CCDC14: variants seen among roughly 807,000 people sequenced by gnomAD.
CCDC14 encodes coiled-coil domain-containing protein 14.
In CCDC14, 71 loss-of-function variants were observed where a neutral mutation model predicts 81.4. The observed-to-expected ratio is 0.87, with a 90% CI of 0.72 to 1.06. The LOEUF is 1.06. CCDC14 is among the 50% of genes least tolerant of loss of function. CCDC14 has a pLI of 0.00. For missense variants in CCDC14, 1,046 were observed against 1,047.3 expected, an observed-to-expected ratio of 1.00 and a Z score of 0.02; for synonymous variants, 332 against 364.8, an observed-to-expected ratio of 0.91 and a Z score of 1.03.
At chr3:123,892,879 A>G (rs1256764755), downstream of CCDC14, among the ~76,000 whole-genome samples, 2 of 151,896 alleles carry the variant, frequency 1.3e-5, no homozygotes, top group Admixed American at 6.6e-5. Context: ...ATCTCGGCTC[A>G]TTGTAACCTC....
At chr3:123,945,985 A>G (rs1222030982) in intron 8 of CCDC14, among the ~76,000 whole-genome samples, 1 of 152,168 alleles carries the variant, frequency 6.6e-6, no homozygotes, top group African/African-American at 2.4e-5. Context: ...TAAGTGTTCA[A>G]TAAATGACAG....
chr3:123,894,013 T>C (rs1559751414), downstream of CCDC14, among the ~76,000 whole-genome samples: 1 of 152,246 alleles, frequency 6.6e-6, no homozygotes, highest in Non-Finnish European at 1.5e-5. Context: ...GTCTATGTTA[T>C]TGATGTCATA....
chr3:123,942,508 C>A (rs575271693), intron 9 of CCDC14, among the ~76,000 whole-genome samples: 1 of 152,124 alleles, frequency 6.6e-6, no homozygotes, highest in Non-Finnish European at 1.5e-5. Context: ...GACAAAGAAT[C>A]CTAAATGAGT....
chr3:123,897,961 A>C (rs919835558), intron 5 of CCDC14, among the ~76,000 whole-genome samples: 1 of 152,248 alleles, frequency 6.6e-6, no homozygotes, highest in Non-Finnish European at 1.5e-5. Context: ...GATGTATACA[A>C]AGCCTATAAA....
chr3:123,913,861 G>C lies in CCDC14; in HGVS notation c.*918C>G. ...GTTAAAACGTGCTGCTTACATGAAG[G>C]GAGATGATACTGAGCTAAGAAGTCC... is the stretch of plus-strand genomic sequence containing the variant. On this transcript the variant is annotated 3_prime_UTR_variant, in exon 13 of 13. Coordinates refer to ENST00000409697, the MANE Select transcript of CCDC14 (RefSeq NM_001366335.1). The C allele has an allele frequency of 1.0e-6, 1 of 985,262 alleles. No individual in the cohort carries two copies. Among genetic ancestry groups the C allele is most frequent in the Non-Finnish European group, 1.2e-6 (1 of 829,874 alleles). The allele number at this position is 985,262 out of a possible 1,614,324, so 61.0% of individuals were successfully genotyped here.
chr3:123,958,343 A>AG (rs1271959666), intron 1 of CCDC14: 2 of 152,156 alleles, frequency 1.3e-5, no homozygotes, highest in African/African-American at 4.8e-5. Flanking sequence ...GTAAGATTAC[A>AG]TATGGTGTTT....
chr3:123,901,866 A>C (rs2034185244), intron 5 of CCDC14, among the ~76,000 whole-genome samples: 1 of 152,164 alleles, frequency 6.6e-6, no homozygotes, highest in Non-Finnish European at 1.5e-5. Flanking sequence ...GATACAAACA[A>C]CTTACTAATG....
In CCDC14 at chr3:123,939,400, G is replaced by C. The variant is rs561150710; in HGVS notation, c.1343+5449C>G. Among the ~76,000 whole-genome samples the C allele has an allele frequency of 2.0e-5, 3 of 146,880 alleles. No individual in the cohort carries two copies. In the Admixed American group the frequency reaches 2.0e-4, roughly 10 times the overall value. ...GTGTTGGTGTTGATTGTTTTGCATG[G>C]TTTTTCTGAGATCTTCTATGTCCTA... is the stretch of plus-strand genomic sequence containing the variant. On this transcript the variant is annotated intron_variant, in intron 9 of 12. Transcript: ENST00000409697.
At chr3:123,890,562 A>G in the CCDC14 span, among the ~76,000 whole-genome samples, 1 of 152,242 alleles carries the variant, frequency 6.6e-6, no homozygotes, top group Non-Finnish European at 1.5e-5. Flanking sequence ...CCAGCAGGGC[A>G]GTCAAATCTT....
chr3:123,918,885 A>T (rs2034871314), intron 12 of CCDC14, among the ~76,000 whole-genome samples: 1 of 152,228 alleles, frequency 6.6e-6, no homozygotes. Context: ...CTTTGCAGAA[A>T]GCACAGTTGA....
chr3:123,938,945 C>A (rs1296123626), intron 9 of CCDC14, among the ~76,000 whole-genome samples: 1 of 151,900 alleles, frequency 6.6e-6, no homozygotes, highest in Non-Finnish European at 1.5e-5. Flanking sequence ...ATTACTAACA[C>A]ATTCTGATCT....
In CCDC14 at chr3:123,915,192, C is replaced by T; in HGVS notation, c.2305G>A (p.Ala769Thr). 1 of 1,613,716 alleles carries T rather than the reference C, an allele frequency of 6.2e-7. No individual in the cohort carries two copies. The highest frequency in any genetic ancestry group is 8.5e-7 in the Non-Finnish European group (1 of 1,179,718). ...TTQLVSNSGL[A>T]VSGKENKLCT... ...AGTTTATTTTCTTTTCCAGAGACAG[C>T]AAGTCCGCTGTTGCTGACTAGCTGT... Residue 769 changes from alanine to threonine, a missense_variant, in exon 13 of 13, where the codon GCT becomes ACT. Coordinates refer to ENST00000409697, the MANE Select transcript of CCDC14 (RefSeq NM_001366335.1).
rs767921393 is a variant in CCDC14, at chr3:123,931,121, G to A, written c.1759C>T (p.Arg587Ter). 7 of 1,587,706 alleles carry A rather than the reference G, an allele frequency of 4.4e-6. No homozygotes were observed. The highest frequency in any genetic ancestry group is 2.7e-5 in the African/African-American group (2 of 73,266). Residue 587 changes from arginine to a stop codon, truncating the protein, a stop_gained, in exon 12 of 13, where the codon CGA (arginine) becomes TGA (stop). Coordinates refer to ENST00000409697, the MANE Select transcript of CCDC14 (RefSeq NM_001366335.1). LOFTEE classifies it low-confidence loss of function (END_TRUNC). ...TTTTACCTGGTTAATTCTCTTAGTC[G>A]AGTCACCTCAGCATCACGCTGACGT... Reference protein sequence around the residue: ...TLRQRDAEVTRLRELTRTLQT... With the variant: ...TLRQRDAEVT
Position 123,933,710 on chromosome 3 carries a change from A to C in CCDC14, c.1389T>G (p.Thr463=). 1 of 1,575,454 alleles carries C rather than the reference A, an allele frequency of 6.3e-7. No individual in the cohort carries two copies. Among genetic ancestry groups the C allele is most frequent in the Non-Finnish European group, 8.6e-7 (1 of 1,157,850 alleles). Reference sequence around the variant, plus strand: ...AATCCACAGCACCAGATGGTTTTTGAGTTTTCTGTTGTTCTCTGAGTTGCT... The same window carrying C: ...AATCCACAGCACCAGATGGTTTTTGCGTTTTCTGTTGTTCTCTGAGTTGCT... ...LNQQLREQQK[T]QKPSGAVDCN... is the part of the protein sequence containing the mutation. Residue 463 remains threonine (T), a synonymous_variant, in exon 10 of 13, where the codon ACT becomes ACG. Transcript: ENST00000409697.
chr3:123,902,612 C>T (rs2034199953), intron 5 of CCDC14, among the ~76,000 whole-genome samples: 1 of 152,068 alleles, frequency 6.6e-6, no homozygotes, highest in Non-Finnish European at 1.5e-5. Context: ...TTGGTTCCTT[C>T]AACAAATAAA....
At chr3:123,907,012 A>C (rs561939570) in intron 5 of CCDC14, among the ~76,000 whole-genome samples, 1 of 152,258 alleles carries the variant, frequency 6.6e-6, no homozygotes, top group Non-Finnish European at 1.5e-5. Context: ...TGGTTTCAAT[A>C]AATAGCTGTT....
intron 1 of CCDC14, 55 bp from the exon 2 acceptor site, chr3:123,956,850 A>G (rs2037353480): frequency 8.5e-7 from 1 of 1,174,004 alleles, no homozygotes; most frequent in Non-Finnish European, 1.2e-6. Flanking sequence ...TATATTTTCA[A>G]TATGCTATCT....
At chr3:123,897,126 A>G (rs1025699992), downstream of CCDC14, among the ~76,000 whole-genome samples, 12 of 152,228 alleles carry the variant, frequency 7.9e-5, no homozygotes, top group Non-Finnish European at 1.2e-4. Context: ...ATGTAATTCC[A>G]AAATCTGAAA....
chr3:123,945,267 G>C (rs1175527365), intron 8 of CCDC14, among the ~76,000 whole-genome samples: 3 of 151,208 alleles, frequency 2.0e-5, no homozygotes, highest in African/African-American at 7.3e-5. Context: ...TTCAGTTCAA[G>C]AGTCAAGTAG....
Sources: gnomAD v4.1 joint callset for allele counts (sites outside exome capture counted in the v4.1 genomes callset) on GRCh38, gnomAD v4.1.1 for gene constraint, MANE v1.5 for transcripts, NCBI Gene and HGNC (gene_info 2026-07-23, HGNC 2026-07-21) for gene names.